Variants in GLRA3 observed in about 807,000 individuals in gnomAD.
GLRA3 encodes the protein glycine receptor subunit alpha-3.
In GLRA3, 44 loss-of-function variants were observed where a neutral mutation model predicts 60.4. The observed-to-expected ratio is 0.73, with a 90% confidence interval of 0.57 to 0.94. The LOEUF (loss-of-function observed/expected upper bound fraction) is 0.94, where lower values mean the gene tolerates loss of function less well. Among genes scored for constraint, GLRA3 ranks in the 40% least tolerant of loss-of-function variants. The pLI, the probability that GLRA3 is intolerant of heterozygous loss-of-function variation, is 0.00. For missense variants in GLRA3, 508 were observed against 564.6 expected, an observed-to-expected ratio of 0.90 and a Z score of 1.02; for synonymous variants, 223 against 192.9, an observed-to-expected ratio of 1.16 and a Z score of -1.29.
At chr4:174,782,904 T>G (rs1738948950) in intron 2 of GLRA3, among the ~76,000 whole-genome samples, 2 of 152,194 alleles carry the variant, frequency 1.3e-5, no homozygotes, top group South Asian at 4.2e-4. Context: ...CAAGGTAATT[T>G]ACAGATTCAA....
chr4:174,724,374 C>T (rs1736240818), intron 4 of GLRA3, among the ~76,000 whole-genome samples: 1 of 152,002 alleles, frequency 6.6e-6, no homozygotes, highest in Admixed American at 6.6e-5. Flanking sequence ...TATATCTTGA[C>T]AAATCCTCTT....
intron 5 of GLRA3, among the ~76,000 whole-genome samples, chr4:174,709,393 A>G (rs577628391): frequency 3.7e-4 from 57 of 152,174 alleles, no homozygotes; most frequent in South Asian, 2.1e-3. Context: ...TTACTTTCTT[A>G]GGTTTCTCCT....
At chr4:174,798,982 C>T (rs558800607) in intron 1 of GLRA3, among the ~76,000 whole-genome samples, 61 of 151,686 alleles carry the variant, frequency 4.0e-4, no homozygotes, top group African/African-American at 1.4e-3. Context: ...ATAGCTAAAA[C>T]TTGATGGGCT....
chr4:174,685,756 T>C (rs1175424720), intron 5 of GLRA3, among the ~76,000 whole-genome samples: 1 of 152,082 alleles, frequency 6.6e-6, no homozygotes, highest in Non-Finnish European at 1.5e-5. Context: ...CATTTCTCAA[T>C]GATTTAAGGA....
chr4:174,685,129 A>G (rs1251822403), intron 5 of GLRA3, among the ~76,000 whole-genome samples: 5 of 152,188 alleles, frequency 3.3e-5, no homozygotes, highest in Non-Finnish European at 7.3e-5. Context: ...TGTAGAGAAG[A>G]GGCTATGTGA....
chr4:174,764,864 TAATA>T (rs1309576942), intron 3 of GLRA3, among the ~76,000 whole-genome samples: 4 of 152,076 alleles, frequency 2.6e-5, no homozygotes, highest in Non-Finnish European at 5.9e-5. Flanking sequence ...CATTAAAAAT[TAATA>T]AATATTGAAT....
At chr4:174,742,122 TA>T (rs1451398888) in intron 3 of GLRA3, among the ~76,000 whole-genome samples, 1 of 152,126 alleles carries the variant, frequency 6.6e-6, no homozygotes, top group East Asian at 1.9e-4. Flanking sequence ...AAAGTAATTT[TA>T]AAAATAATAG....
chr4:174,705,051 G>A (rs181397244), intron 5 of GLRA3, among the ~76,000 whole-genome samples: 1 of 144,012 alleles, frequency 6.9e-6, no homozygotes, highest in East Asian at 2.3e-4. Context: ...TGAACCGAAT[G>A]CTTGAAAATG....
intron 5 of GLRA3, among the ~76,000 whole-genome samples, chr4:174,685,140 G>T (rs1734505959): frequency 6.6e-6 from 1 of 152,218 alleles, no homozygotes; most frequent in Non-Finnish European, 1.5e-5. Flanking sequence ...GGCTATGTGA[G>T]TGACTGGAAA....
chr4:174,819,293 T>G (rs889020824), intron 1 of GLRA3, among the ~76,000 whole-genome samples: 2 of 152,248 alleles, frequency 1.3e-5, no homozygotes, highest in African/African-American at 2.4e-5. Context: ...CATTTGCTGA[T>G]ATTTTATAAC....
intron 7 of GLRA3, among the ~76,000 whole-genome samples, chr4:174,660,336 G>A: frequency 6.6e-6 from 1 of 152,108 alleles, no homozygotes; most frequent in Non-Finnish European, 1.5e-5. Context: ...TTCAGTGTGG[G>A]ACATTATCTG....
intron 1 of GLRA3, among the ~76,000 whole-genome samples, chr4:174,808,054 C>T (rs559381359): frequency 7.9e-5 from 12 of 151,956 alleles, no homozygotes; most frequent in East Asian, 3.9e-4. Context: ...CTAGGATGGT[C>T]GCTGTGCTGT....
intron 1 of GLRA3, among the ~76,000 whole-genome samples, chr4:174,806,987 C>T (rs986846593): frequency 6.6e-6 from 1 of 151,904 alleles, no homozygotes; most frequent in Non-Finnish European, 1.5e-5. Context: ...ACAAAATAAA[C>T]ATATACATAA....
At chr4:174,811,480 G>T (rs951117585) in intron 1 of GLRA3, among the ~76,000 whole-genome samples, 2 of 152,088 alleles carry the variant, frequency 1.3e-5, no homozygotes, top group Non-Finnish European at 2.9e-5. Context: ...TTGCTTAAAT[G>T]TCATGTCCTC....
chr4:174,751,695 C>G (rs1032636822), intron 3 of GLRA3, among the ~76,000 whole-genome samples: 1 of 151,952 alleles, frequency 6.6e-6, no homozygotes, highest in African/African-American at 2.4e-5. Context: ...AAATATTACT[C>G]TTGGGCAAGT....
At chr4:174,719,702 G>C (rs928698631) in intron 4 of GLRA3, among the ~76,000 whole-genome samples, 3 of 151,682 alleles carry the variant, frequency 2.0e-5, no homozygotes, top group Non-Finnish European at 4.4e-5. Context: ...ATTGTCATCT[G>C]ATCATAGAGA....
At chr4:174,666,737 AG>A (rs1733679559) in intron 7 of GLRA3, among the ~76,000 whole-genome samples, 6 of 92,722 alleles carry the variant, frequency 6.5e-5, no homozygotes, top group Admixed American at 1.1e-4. Context: ...ATCTCAAATA[AG>A]AATATATATA....
At chr4:174,681,328 A>C (rs1223802368) in intron 6 of GLRA3, among the ~76,000 whole-genome samples, 1 of 152,204 alleles carries the variant, frequency 6.6e-6, no homozygotes, top group South Asian at 2.1e-4. Context: ...GGATTAAATG[A>C]TATCTCCCTA....
chr4:174,688,013 C>T (rs182312781), intron 5 of GLRA3, among the ~76,000 whole-genome samples: 75 of 151,634 alleles, frequency 4.9e-4, no homozygotes, highest in Non-Finnish European at 7.5e-4. Flanking sequence ...CAAAACAAAA[C>T]GAAAACCCTC....
Sources: gnomAD v4.1 joint callset for allele counts (sites outside exome capture counted in the v4.1 genomes callset) on GRCh38, gnomAD v4.1.1 for gene constraint, MANE v1.5 for transcripts, NCBI Gene and HGNC (gene_info 2026-07-23, HGNC 2026-07-21) for gene names.